EIF3A: variants seen among roughly 807,000 people sequenced by gnomAD.
EIF3A encodes the protein EIF3, p180 subunit.
Under a neutral mutation model 186.6 loss-of-function variants are expected in EIF3A, and 21 were observed. The ratio of observed to expected loss-of-function variants is 0.11; its 90% CI spans 0.08 to 0.16. EIF3A has a LOEUF of 0.16. Among genes scored for constraint, EIF3A ranks in the 10% least tolerant of loss-of-function variants. The pLI is 1.00. For missense variants in EIF3A, 1,306 were observed against 1,796.3 expected (o/e 0.73, Z 4.93); for synonymous variants, 563 against 584.3 (o/e 0.96, Z 0.52).
At chr10:119,044,932 ATTTTC>A (rs1289420307) in intron 17 of EIF3A, among the ~76,000 whole-genome samples, 4 of 93,474 alleles carry the variant, frequency 4.3e-5, no homozygotes, top group African/African-American at 1.4e-4. Context: ...CTTTATTTGA[ATTTTC>A]TTTTCTTTTT....
At position 119,035,409 on chromosome 10, in the gene EIF3A, C is replaced by G. The variant is rs1011140420; in HGVS notation, c.*630G>C. 6.6e-6 allele frequency: 1 copy of G among 151,330 alleles called. No homozygotes were observed. The highest frequency in any genetic ancestry group is 1.5e-5 in the Non-Finnish European group (1 of 67,622). 9.4% of individuals were successfully genotyped at this position (151,330 alleles called of 1,614,324 possible). A position where few individuals can be genotyped will look rare whatever the true frequency, so the allele number is the denominator to read the frequency against. ...GCTATACTGTTTGGATTCACACTTG[C>G]GCAGTAATCTTGTCATTACAACAAC... is the stretch of plus-strand genomic sequence containing the variant. On this transcript the variant is annotated 3_prime_UTR_variant, in exon 22 of 22. Coordinates refer to ENST00000369144, the MANE Select transcript of EIF3A (RefSeq NM_003750.4).
chr10:119,061,048 T>C, intron 8 of EIF3A, 176 bp downstream of exon 8: 1 of 580,596 alleles, frequency 1.7e-6, no homozygotes, highest in Non-Finnish European at 3.0e-6. Flanking sequence ...CTCCAAAGGT[T>C]TGCTGAGCAC....
chr10:119,069,686 C>A, intron 5 of EIF3A, 32 bp from the exon 6 acceptor site: 1 of 1,049,682 alleles, frequency 9.5e-7, no homozygotes, highest in African/African-American at 1.6e-5. Context: ...AAAGTCATTG[C>A]ATTCTATAAC....
rs1036594396 is a variant in EIF3A, at chr10:119,062,068, T to C, written c.1123-740A>G. On this transcript the variant is annotated intron_variant, in intron 7 of 21. Coordinates refer to ENST00000369144, the MANE Select transcript of EIF3A (RefSeq NM_003750.4). ...CACTCAGGTCTAAGGTTAACTCTAA[T>C]GTAAAATGGGTACAAGGCTGAAATC... is the stretch of plus-strand genomic sequence containing the variant. 9.8e-5 allele frequency among the ~76,000 whole-genome samples: 15 copies of C among 152,320 alleles called. 1 individual carries two copies. In the East Asian group the frequency reaches 2.7e-3, roughly 27 times the overall value.
rs1402371830 is a variant in EIF3A at position 119,033,904 on chromosome 10, C to T, written c.*2135G>A. On this transcript the variant is annotated 3_prime_UTR_variant, in exon 22 of 22. Transcript: ENST00000369144. ...AAAAAAAAACACAGGCAGTTCTTTA[C>T]ATAAAAACGTCCCACACGTTATAGA... is the stretch of plus-strand genomic sequence containing the variant. The T allele has an allele frequency of 1.2e-5, 2 of 166,044 alleles. No individual in the cohort carries two copies. Among genetic ancestry groups the T allele is most frequent in the Non-Finnish European group, 2.9e-5 (2 of 67,966 alleles). The allele number at this position is 166,044 out of a possible 1,614,324, so 10.3% of individuals were successfully genotyped here. A position where few individuals can be genotyped will look rare whatever the true frequency, so the allele number is the denominator to read the frequency against.
intron 1 of EIF3A, chr10:119,080,341 G>T (rs1844243843): frequency 5.1e-6 from 5 of 985,466 alleles, no homozygotes; most frequent in Non-Finnish European, 6.0e-6. Context: ...TCCAGTCCGG[G>T]TAGGGGCTGT....
At chr10:119,057,809 T>C (rs1843813723) in intron 12 of EIF3A, 147 bp downstream of exon 12, 2 of 658,976 alleles carry the variant, frequency 3.0e-6, no homozygotes. Flanking sequence ...GCAATAAACA[T>C]ATGCTTACTC....
chr10:119,060,065 CCTT>C, intron 9 of EIF3A: 1 of 516,530 alleles, frequency 1.9e-6, no homozygotes, highest in Non-Finnish European at 3.8e-6. Flanking sequence ...TGCTAATTAG[CCTT>C]CAATTATTTG....
At chr10:119,050,388 T>C (rs1190338722) in intron 16 of EIF3A, 133 bp downstream of exon 16, 3 of 856,948 alleles carry the variant, frequency 3.5e-6, no homozygotes, top group Non-Finnish European at 5.5e-6. Context: ...AACTGGGTTC[T>C]GAGATCCAGT....
At position 119,052,369 on chromosome 10, in the gene EIF3A, TG is replaced by T. The variant is rs1234213596; in HGVS notation, c.2197-1049del. ...TTCAGGTTATAGTCTTTTTTGGTTT[TG>T]TGTGTGTGTGTGTGTGTGTGTGTGT... On this transcript the variant is annotated intron_variant, in intron 14 of 21. Transcript: ENST00000369144. Among the ~76,000 whole-genome samples the T allele has an allele frequency of 1.5e-3, 27 of 17,586 alleles. No individual in the cohort carries two copies. The East Asian group carries it at 0.044, about 29-fold the overall frequency. 11.5% of individuals were successfully genotyped at this position (17,586 alleles called of 152,430 possible).
intron 6 of EIF3A, among the ~76,000 whole-genome samples, chr10:119,068,300 C>T (rs1013847917): frequency 1.3e-5 from 2 of 152,164 alleles, no homozygotes; most frequent in Admixed American, 6.6e-5. Flanking sequence ...CTTTTATATT[C>T]ATATGTATTT....
At chr10:119,062,890 C>G (rs1477574144) in intron 7 of EIF3A, among the ~76,000 whole-genome samples, 9 of 151,324 alleles carry the variant, frequency 5.9e-5, no homozygotes, top group African/African-American at 1.5e-4. Flanking sequence ...TGGGATTACA[C>G]GCATGCACCA....
intron 12 of EIF3A, 68 bp from the exon 13 acceptor site, chr10:119,057,108 C>T (rs1843794967): frequency 1.2e-6 from 1 of 860,286 alleles, no homozygotes; most frequent in African/African-American, 1.7e-5. Context: ...TAACTCACTG[C>T]TTTCTAGAAT....
chr10:119,062,130 A>G (rs1450569679), intron 7 of EIF3A, among the ~76,000 whole-genome samples: 1 of 152,180 alleles, frequency 6.6e-6, no homozygotes, highest in Non-Finnish European at 1.5e-5. Context: ...ATAAGCATCC[A>G]TATATCTTTA....
intron 4 of EIF3A, among the ~76,000 whole-genome samples, chr10:119,071,962 T>C (rs558322298): frequency 7.0e-6 from 1 of 143,002 alleles, no homozygotes; most frequent in Non-Finnish European, 1.5e-5. Context: ...GAGGCGGAGC[T>C]TGTAGTGAGC....
intron 17 of EIF3A, among the ~76,000 whole-genome samples, chr10:119,045,520 C>T (rs1332256585): frequency 2.0e-5 from 3 of 152,162 alleles, no homozygotes; most frequent in Non-Finnish European, 4.4e-5. Flanking sequence ...TTCTCCCACC[C>T]CCATGCCTGC....
intron 11 of EIF3A, among the ~76,000 whole-genome samples, chr10:119,058,505 C>T (rs118032429): frequency 2.9e-3 from 449 of 152,286 alleles, no homozygotes; most frequent in Non-Finnish European, 5.1e-3. Flanking sequence ...ATAGCAATGA[C>T]GCAGCTAAAG....
chr10:119,051,351 T>C, intron 14 of EIF3A, 30 bp from the exon 15 acceptor site: 2 of 1,546,626 alleles, frequency 1.3e-6, no homozygotes, highest in African/African-American at 1.4e-5. Flanking sequence ...GAAATTTCAA[T>C]GCACTTTTTT....
intron 4 of EIF3A, 97 bp from the exon 5 acceptor site, chr10:119,071,182 C>G: frequency 1.2e-6 from 1 of 842,466 alleles, no homozygotes; most frequent in South Asian, 1.6e-5. Context: ...GTTGTTTTAA[C>G]AGGATTCACC....
Sources: gnomAD v4.1 joint callset for allele counts (sites outside exome capture counted in the v4.1 genomes callset) on GRCh38, gnomAD v4.1.1 for gene constraint, MANE v1.5 for transcripts, NCBI Gene and HGNC (gene_info 2026-07-23, HGNC 2026-07-21) for gene names.